ZNF680: variants seen among roughly 807,000 people sequenced by gnomAD.
ZNF680 encodes zinc finger protein 680.
In ZNF680, 6 loss-of-function variants were observed where a neutral mutation model predicts 12.1. The ratio of observed to expected loss-of-function variants is 0.49; its 90% CI spans 0.27 to 0.98. The LOEUF (loss-of-function observed/expected upper bound fraction) is 0.98, where lower values mean the gene tolerates loss of function less well. Among genes scored for constraint, ZNF680 ranks in the 50% least tolerant of loss-of-function variants. ZNF680 has a pLI of 0.12. For synonymous variants in ZNF680, 170 were observed against 199.3 expected (o/e 0.85, Z 1.24); for missense variants, 561 against 616.3 (o/e 0.91, Z 0.95).
chr7:64,534,403 A>G lies in ZNF680; in HGVS notation c.253+9304T>C, dbSNP rs569919796. On this transcript the variant is annotated intron_variant, in intron 3 of 3. Transcript: ENST00000309683. ...AGATATACAAATGGCCAACAAAAAT[A>G]TGAAAAAATGCTCCACATCACTAAT... Among the ~76,000 whole-genome samples the G allele has an allele frequency of 2.4e-3, 366 of 152,340 alleles. 1 individual carries two copies. The highest frequency in any genetic ancestry group is 4.5e-3 in the Non-Finnish European group (303 of 68,030).
intron 3 of ZNF680, chr7:64,526,267 A>G: frequency 8.8e-7 from 1 of 1,138,314 alleles, no homozygotes; most frequent in Non-Finnish European, 1.1e-6. Flanking sequence ...TTGATGCAGT[A>G]ATAAAATTCC....
the ZNF680 span, among the ~76,000 whole-genome samples, chr7:64,512,068 A>C: frequency 6.6e-6 from 1 of 151,898 alleles, no homozygotes; most frequent in Non-Finnish European, 1.5e-5. Context: ...TCCAAAAAAA[A>C]AAAAGCACTA....
At chr7:64,522,631 A>T in intron 3 of ZNF680, 131 bp from the exon 4 acceptor site, 1 of 711,952 alleles carries the variant, frequency 1.4e-6, no homozygotes, top group Non-Finnish European at 2.0e-6. Flanking sequence ...AAATCCTAAA[A>T]GTTAAAAAAA....
chr7:64,500,159 G>T, the ZNF680 span, among the ~76,000 whole-genome samples: 1 of 152,094 alleles, frequency 6.6e-6, no homozygotes, highest in Non-Finnish European at 1.5e-5. Flanking sequence ...GCCACCCTTC[G>T]TGTTTCTCTT....
chr7:64,540,303 CT>C (rs61265238), intron 3 of ZNF680, among the ~76,000 whole-genome samples: 39,750 of 127,816 alleles, frequency 0.31, 4,995 homozygotes, highest in African/African-American at 0.41. Flanking sequence ...CTGATTTATC[CT>C]TTTTTTTTTT....
chr7:64,528,351 C>CCACAGGT (rs773074523), intron 3 of ZNF680, among the ~76,000 whole-genome samples: 5 of 152,200 alleles, frequency 3.3e-5, no homozygotes, highest in Non-Finnish European at 7.3e-5. Context: ...CCTGCAGACT[C>CCACAGGT]CACAGGTCAC....
At chr7:64,531,696 G>T (rs893616118) in intron 3 of ZNF680, among the ~76,000 whole-genome samples, 2 of 151,460 alleles carry the variant, frequency 1.3e-5, no homozygotes, top group African/African-American at 2.4e-5. Context: ...ATGATCATTG[G>T]GTCAAAAATG....
chr7:64,539,830 T>C (rs1786406244), intron 3 of ZNF680, among the ~76,000 whole-genome samples: 1 of 152,048 alleles, frequency 6.6e-6, no homozygotes, highest in Non-Finnish European at 1.5e-5. Flanking sequence ...TAGTTTTTTT[T>C]GTAGACTGGG....
At chr7:64,541,449 A>G (rs1053968721) in intron 3 of ZNF680, among the ~76,000 whole-genome samples, 2 of 152,140 alleles carry the variant, frequency 1.3e-5, no homozygotes, top group African/African-American at 2.4e-5. Context: ...CACACCTGTA[A>G]TGACAGCTAC....
intron 1 of ZNF680, among the ~76,000 whole-genome samples, chr7:64,545,263 C>CAAAAAAAAA (rs532422147): frequency 2.2e-5 from 2 of 89,742 alleles, no homozygotes; most frequent in South Asian, 6.2e-4. Context: ...GACTCCATCT[C>CAAAAAAAAA]AAAAAAAAAA....
the ZNF680 span, among the ~76,000 whole-genome samples, chr7:64,502,743 C>A: frequency 5.1e-4 from 78 of 151,954 alleles, no homozygotes; most frequent in South Asian, 2.5e-3. Flanking sequence ...GTAAGTTATT[C>A]TCCTCTCAGT....
Position 64,520,993 on chromosome 7 carries a change from A to G in ZNF680, c.*168T>C. 2 of 677,746 alleles carry G rather than the reference A, an allele frequency of 3.0e-6. No individual in the cohort carries two copies. The highest frequency in any genetic ancestry group is 4.8e-6 in the Non-Finnish European group (2 of 420,872). 42.0% of individuals were successfully genotyped at this position (677,746 alleles called of 1,614,324 possible). On this transcript the variant is annotated 3_prime_UTR_variant, in exon 4 of 4. Coordinates refer to ENST00000309683, the MANE Select transcript of ZNF680 (RefSeq NM_178558.5). The stretch of plus-strand genomic sequence containing the variant: ...TAAAAATGCTTTCCTGTGCAATAAG[A>G]TGTGAGTATTGGTTAAGTTTTGTCA...
chr7:64,522,986 C>T (rs1198344923), intron 3 of ZNF680, among the ~76,000 whole-genome samples: 2 of 151,688 alleles, frequency 1.3e-5, no homozygotes, highest in African/African-American at 2.4e-5. Context: ...AGTATATTGG[C>T]ACTGCAAATT....
Position 64,521,849 on chromosome 7 carries a change from G to C in ZNF680, c.905C>G (p.Ala302Gly), listed in dbSNP as rs763330288. ...KPYKCDECHK[A>G]FNWFATLTNH... ...AGTAAGGGTTGCAAACCAGTTAAAG[G>C]CTTTGTGACATTCATCACATTTGTA... The change falls in exon 4 of 4, where the codon GCC becomes GGC. Residue 302 changes from alanine (A) to glycine (G), a missense_variant. Transcript: ENST00000309683. 1.9e-6 allele frequency: 3 copies of C among 1,613,166 alleles called. No individual in the cohort carries two copies. The highest frequency in any genetic ancestry group is 1.1e-5 in the South Asian group (1 of 91,042).
chr7:64,530,878 AAT>A lies in ZNF680; in HGVS notation c.254-8380_254-8379del, dbSNP rs1215852800. On this transcript the variant is annotated intron_variant, in intron 3 of 3. Transcript: ENST00000309683. ...ATCTCAAAAAAAAAAATTTAAAAAT[AAT>A]AATAATAATAATAGTAATAATAATA... Among the ~76,000 whole-genome samples the A allele has an allele frequency of 1.3e-4, 15 of 119,092 alleles. No individual in the cohort carries two copies. In the East Asian group the frequency reaches 3.0e-3, roughly 24 times the overall value. 78.1% of individuals were successfully genotyped at this position (119,092 alleles called of 152,430 possible). A position where few individuals can be genotyped will look rare whatever the true frequency, so the allele number is the denominator to read the frequency against.
At chr7:64,552,493 A>G (rs1403612804) in intron 1 of ZNF680, among the ~76,000 whole-genome samples, 2 of 152,020 alleles carry the variant, frequency 1.3e-5, no homozygotes, top group Admixed American at 6.6e-5. Context: ...GTCCTTTAAT[A>G]GCAGCATTCT....
At chr7:64,511,954 G>A in the ZNF680 span, among the ~76,000 whole-genome samples, 1 of 151,734 alleles carries the variant, frequency 6.6e-6, no homozygotes, top group Non-Finnish European at 1.5e-5. Context: ...AGCTACTCGG[G>A]AGGCTGAGGC....
Position 64,562,973 on chromosome 7 carries a change from A to G in ZNF680, c.-19T>C, listed in dbSNP as rs1172389589. ...CTGGCATCTTAGCTGTGCATCTCCC[A>G]ATACCTGCAGATAACGGAGTCACAG... is the stretch of plus-strand genomic sequence containing the variant. On this transcript the variant is annotated 5_prime_UTR_variant, in exon 1 of 4. Coordinates refer to ENST00000309683, the MANE Select transcript of ZNF680 (RefSeq NM_178558.5). The G allele has an allele frequency of 6.2e-7, 1 of 1,613,016 alleles. No homozygotes were observed. Among genetic ancestry groups the G allele is most frequent in the African/African-American group, 1.3e-5 (1 of 74,866 alleles).
At chr7:64,553,656 C>A (rs1787204921) in intron 1 of ZNF680, among the ~76,000 whole-genome samples, 1 of 152,366 alleles carries the variant, frequency 6.6e-6, no homozygotes, top group South Asian at 2.1e-4. Flanking sequence ...GACTGTACTG[C>A]CGCCATCTCG....
Sources: allele counts gnomAD v4.1 joint callset (sites outside exome capture counted in the v4.1 genomes callset), GRCh38; gene constraint gnomAD v4.1.1; transcripts MANE v1.5; gene names NCBI Gene and HGNC (gene_info 2026-07-23, HGNC 2026-07-21).